AGPAT1: variants seen among roughly 807,000 people sequenced by gnomAD.
AGPAT1 encodes the protein 1-acylglycerol-3-phosphate O-acyltransferase 1.
AGPAT1 carries 6 observed loss-of-function variants against 31.2 expected under a neutral mutation model. The ratio of observed to expected loss-of-function variants is 0.19; its 90% confidence interval spans 0.11 to 0.38. AGPAT1 has a LOEUF of 0.38. Ranked by LOEUF, AGPAT1 falls within the 10% of genes least tolerant of loss-of-function variation. AGPAT1 has a pLI of 1.00. For synonymous variants in AGPAT1, 139 were observed against 154.0 expected, an observed-to-expected ratio of 0.90 and a Z score of 0.72; for missense variants, 187 against 377.8, an observed-to-expected ratio of 0.49 and a Z score of 4.19.
chr6:32,171,233 C>T lies in AGPAT1; in HGVS notation c.200+64G>A. The stretch of plus-strand genomic sequence containing the variant: ...TTCTACACACACCATGCCCCCTTCC[C>T]CCAATCCACTACTCACTTTGTACCC... On this transcript the variant is annotated intron_variant, in intron 2 of 6. Coordinates refer to ENST00000375107, the MANE Select transcript of AGPAT1 (RefSeq NM_006411.4). This position sits in a 1 kb window ranked among gnomAD's most constrained non-coding sequence, Gnocchi z 6.9. The T allele has an allele frequency of 6.2e-7, 1 of 1,611,626 alleles. No individual in the cohort carries two copies. Among genetic ancestry groups the T allele is most frequent in the Non-Finnish European group, 8.5e-7 (1 of 1,178,976 alleles).
chr6:32,171,587 G>T lies in AGPAT1; in HGVS notation c.-9-82C>A. Reference sequence around the variant, plus strand: ...GCAAGGCACAGAAGGCAGGGCTGGGGGCTGGTGCTATGAGGACAAGGGCCT... The same window carrying T: ...GCAAGGCACAGAAGGCAGGGCTGGGTGCTGGTGCTATGAGGACAAGGGCCT... On this transcript the variant is annotated intron_variant, in intron 1 of 6. Transcript: ENST00000375107. This position sits in a 1 kb window ranked among gnomAD's most constrained non-coding sequence, Gnocchi z 6.9. 6.6e-7 allele frequency: 1 copy of T among 1,514,540 alleles called. No homozygotes were observed. The highest frequency in any genetic ancestry group is 8.8e-7 in the Non-Finnish European group (1 of 1,132,374). The allele number at this position is 1,514,540 out of a possible 1,614,324, so 93.8% of individuals were successfully genotyped here.
chr6:32,173,691 C>T lies in AGPAT1; in HGVS notation c.-10+2123G>A, dbSNP rs1561851461. On this transcript the variant is annotated intron_variant, in intron 1 of 6. Transcript: ENST00000375107. The surrounding 1 kb of genome is among the most constrained non-coding windows in gnomAD (Gnocchi z 4.7). ...GCTTCCCCACCTTGAACATGCTGTT[C>T]CCTTTGGCTGGAATGCCTGTCTCTT... Among the ~76,000 whole-genome samples, 1 of 152,350 alleles carries T rather than the reference C, an allele frequency of 6.6e-6. No homozygotes were observed. The highest frequency in any genetic ancestry group is 2.1e-4 in the South Asian group (1 of 4,824).
upstream of AGPAT1, chr6:32,176,215 T>A: frequency 1.1e-6 from 1 of 920,184 alleles, no homozygotes; most frequent in Non-Finnish European, 1.3e-6. Flanking sequence ...CATCTACCAG[T>A]GTCCTCTTGC....
At chr6:32,178,053 C>G (rs1346147538), upstream of AGPAT1, 1 of 152,782 alleles carries the variant, frequency 6.5e-6, no homozygotes, top group Non-Finnish European at 1.5e-5. Context: ...TGGAGCCATA[C>G]GCTCCAAAGT....
Position 32,175,945 on chromosome 6 carries a change from C to A in AGPAT1, c.-141G>T. 1 of 985,672 alleles carries A rather than the reference C, an allele frequency of 1.0e-6. No homozygotes were observed. The highest frequency in any genetic ancestry group is 1.2e-6 in the Non-Finnish European group (1 of 830,174). 61.1% of individuals were successfully genotyped at this position (985,672 alleles called of 1,614,324 possible). On this transcript the variant is annotated 5_prime_UTR_variant, in exon 1 of 7. Transcript: ENST00000375107. This position sits in a 1 kb window ranked among gnomAD's most constrained non-coding sequence, Gnocchi z 4.5. ...AGGGGGCGACGGGATTTGGGGGTGT[C>A]CTAGCCCCGGCCGATGGAGGGGAGG...
Position 32,169,918 on chromosome 6 carries a change from C to T in AGPAT1, c.679+48G>A. 6.5e-7 allele frequency: 1 copy of T among 1,536,810 alleles called. No homozygotes were observed. The highest frequency in any genetic ancestry group is 9.0e-7 in the Non-Finnish European group (1 of 1,113,230). On this transcript the variant is annotated intron_variant, in intron 6 of 6. Transcript: ENST00000375107. The surrounding 1 kb of genome is among the most constrained non-coding windows in gnomAD (Gnocchi z 5.9). ...CCCCCTGCCTCACAGGGATGTCCTCCCAGCCTCTCCGGACACACCCTACCC... is the reference window on the plus strand; with the variant it reads ...CCCCCTGCCTCACAGGGATGTCCTCTCAGCCTCTCCGGACACACCCTACCC...
In AGPAT1 at chr6:32,169,113, C is replaced by T. The variant is rs1388353779; in HGVS notation, c.*163G>A. Reference sequence around the variant, plus strand: ...TGGGGCCAAGAGGGGGCAGGAGTGGCGCTGTATCCACATTCACTTCAGAAG... The same window carrying T: ...TGGGGCCAAGAGGGGGCAGGAGTGGTGCTGTATCCACATTCACTTCAGAAG... On this transcript the variant is annotated 3_prime_UTR_variant, in exon 7 of 7. Coordinates refer to ENST00000375107, the MANE Select transcript of AGPAT1 (RefSeq NM_006411.4). The surrounding 1 kb of genome is among the most constrained non-coding windows in gnomAD (Gnocchi z 5.9). 3.3e-5 allele frequency: 25 copies of T among 759,408 alleles called. No homozygotes were observed. In the Admixed American group the frequency reaches 4.5e-4, roughly 14 times the overall value. The allele number at this position is 759,408 out of a possible 1,614,324, so 47.0% of individuals were successfully genotyped here.
At position 32,168,590 on chromosome 6, in the gene AGPAT1, G is replaced by GA. The variant is rs1561841065; in HGVS notation, c.*685dup. 6.5e-6 allele frequency: 1 copy of GA among 154,574 alleles called. No homozygotes were observed. Among genetic ancestry groups the GA allele is most frequent in the African/African-American group, 2.4e-5 (1 of 41,452 alleles). The allele number at this position is 154,574 out of a possible 1,614,324, so 9.6% of individuals were successfully genotyped here. ...GCTGGGTGGGGTCATGTCCACTGAA[G>GA]AACTGTACTATGGGGACAGAAAACC... On this transcript the variant is annotated 3_prime_UTR_variant, in exon 7 of 7. Transcript: ENST00000375107. This position sits in a 1 kb window ranked among gnomAD's most constrained non-coding sequence, Gnocchi z 4.5.
chr6:32,170,972 A>G lies in AGPAT1; in HGVS notation c.299T>C (p.Val100Ala). 6.2e-7 allele frequency: 1 copy of G among 1,612,630 alleles called. No individual in the cohort carries two copies. Residue 100 changes from valine to alanine, a missense_variant, in exon 3 of 7, where the codon GTT (valine) becomes GCT (alanine). Transcript: ENST00000375107. The surrounding 1 kb of genome is among the most constrained non-coding windows in gnomAD (Gnocchi z 7.7). ...GAGAGAGCTCTGGTGGTTGGAGACA[A>G]CAACATAGGGCTGCGAGGGAGGGAA... Reference protein sequence around the residue: ...HHFPPSQPYVVVSNHQSSLDL... With the variant: ...HHFPPSQPYVAVSNHQSSLDL...
rs1402253665 is a variant in AGPAT1, at chr6:32,169,807, G to A, written c.679+159C>T. 1.4e-6 allele frequency: 1 copy of A among 696,222 alleles called. No individual in the cohort carries two copies. The highest frequency in any genetic ancestry group is 2.5e-6 in the Non-Finnish European group (1 of 404,374). 43.1% of individuals were successfully genotyped at this position (696,222 alleles called of 1,614,324 possible). On this transcript the variant is annotated intron_variant, in intron 6 of 6. Transcript: ENST00000375107. This position sits in a 1 kb window ranked among gnomAD's most constrained non-coding sequence, Gnocchi z 5.9. ...AGTGCTACCCATCTGGCAGGGTATG[G>A]TGGGTGCTTAGTAAAGACTTATTGG...
At chr6:32,176,770 T>G, upstream of AGPAT1, 1 of 365,000 alleles carries the variant, frequency 2.7e-6, no homozygotes, top group Non-Finnish European at 4.9e-6. Context: ...ATCAGTCTCC[T>G]TACTTGCCCA....
chr6:32,170,697 G>A lies in AGPAT1; in HGVS notation c.335-97C>T. On this transcript the variant is annotated intron_variant, in intron 3 of 6. Transcript: ENST00000375107. This position sits in a 1 kb window ranked among gnomAD's most constrained non-coding sequence, Gnocchi z 7.7. ...AGCTCATCACCCTCTGGTAGGGACT[G>A]GAGGTGAAGGAGGAGACTAGGCAGG... 4 of 1,458,960 alleles carry A rather than the reference G, an allele frequency of 2.7e-6. No individual in the cohort carries two copies. Among genetic ancestry groups the A allele is most frequent in the Non-Finnish European group, 3.8e-6 (4 of 1,058,410 alleles). 90.4% of individuals were successfully genotyped at this position (1,458,960 alleles called of 1,614,324 possible).
rs147503745 is a variant in AGPAT1 at position 32,168,275 on chromosome 6, C to G, written c.*1001G>C. 1.3e-3 allele frequency: 486 copies of G among 364,684 alleles called. 2 individuals carry two copies. Among genetic ancestry groups the G allele is most frequent in the South Asian group, 6.4e-3 (118 of 18,324 alleles). 22.6% of individuals were successfully genotyped at this position (364,684 alleles called of 1,614,324 possible). On this transcript the variant is annotated 3_prime_UTR_variant, in exon 7 of 7. Transcript: ENST00000375107. The surrounding 1 kb of genome is among the most constrained non-coding windows in gnomAD (Gnocchi z 4.5). ...CCAGATAATTAATAAAAACCAACCA[C>G]GCAAAACTGGGTCCCACCCTCTCCT... is the stretch of plus-strand genomic sequence containing the variant.
At position 32,170,148 on chromosome 6, in the gene AGPAT1, C is replaced by T. The variant is rs761916980; in HGVS notation, c.606+17G>A. ...GGGGGTTGGCAGCTGAGTAGCAGAACGAAGAGCAGTAGTCACCTGGGCCTG... is the reference window on the plus strand; with the variant it reads ...GGGGGTTGGCAGCTGAGTAGCAGAATGAAGAGCAGTAGTCACCTGGGCCTG... On this transcript the variant is annotated intron_variant, in intron 5 of 6. Coordinates refer to ENST00000375107, the MANE Select transcript of AGPAT1 (RefSeq NM_006411.4). The surrounding 1 kb of genome is among the most constrained non-coding windows in gnomAD (Gnocchi z 7.7). 3 of 1,613,706 alleles carry T rather than the reference C, an allele frequency of 1.9e-6. No individual in the cohort carries two copies. Among genetic ancestry groups the T allele is most frequent in the African/African-American group, 1.3e-5 (1 of 74,974 alleles).
chr6:32,174,056 C>T lies in AGPAT1; in HGVS notation c.-10+1758G>A, dbSNP rs62402752. ...AGCCCTCTGGTGAGTCTGATGTGCG[C>T]CTGAATTTAAGAACCACTGATCTTG... On this transcript the variant is annotated intron_variant, in intron 1 of 6. Transcript: ENST00000375107. This position sits in a 1 kb window ranked among gnomAD's most constrained non-coding sequence, Gnocchi z 4.5. Among the ~76,000 whole-genome samples, 1 of 152,126 alleles carries T rather than the reference C, an allele frequency of 6.6e-6. No homozygotes were observed. Among genetic ancestry groups the T allele is most frequent in the Non-Finnish European group, 1.5e-5 (1 of 68,026 alleles).
In AGPAT1 at chr6:32,174,728, C is replaced by T. The variant is rs1348517678; in HGVS notation, c.-10+1086G>A. On this transcript the variant is annotated intron_variant, in intron 1 of 6. Coordinates refer to ENST00000375107, the MANE Select transcript of AGPAT1 (RefSeq NM_006411.4). The surrounding 1 kb of genome is among the most constrained non-coding windows in gnomAD (Gnocchi z 4.5). ...GCAGACCTGGAGACCCAGTTACCTT[C>T]TTCTCTTAACACTTGATATTAAGTG... 6.6e-6 allele frequency among the ~76,000 whole-genome samples: 1 copy of T among 152,192 alleles called. No individual in the cohort carries two copies. The highest frequency in any genetic ancestry group is 1.5e-5 in the Non-Finnish European group (1 of 68,044).
rs1197792769 is a variant in AGPAT1 at position 32,175,634 on chromosome 6, T to A, written c.-10+180A>T. Among the ~76,000 whole-genome samples the A allele has an allele frequency of 6.6e-6, 1 of 151,578 alleles. No individual in the cohort carries two copies. The highest frequency in any genetic ancestry group is 1.5e-5 in the Non-Finnish European group (1 of 67,858). On this transcript the variant is annotated intron_variant, in intron 1 of 6. Transcript: ENST00000375107. This position sits in a 1 kb window ranked among gnomAD's most constrained non-coding sequence, Gnocchi z 4.5. Reference sequence around the variant, plus strand: ...CTCCCTCCCAGGTCTCTTCCATCCTTCCTCCCTCTCAGGTCCCCTCTCCTA... The same window carrying A: ...CTCCCTCCCAGGTCTCTTCCATCCTACCTCCCTCTCAGGTCCCCTCTCCTA...
rs1784797484 is a variant in AGPAT1, at chr6:32,168,930, G to C, written c.*346C>G. The C allele has an allele frequency of 2.9e-6, 1 of 344,524 alleles. No homozygotes were observed. The highest frequency in any genetic ancestry group is 2.0e-5 in the African/African-American group (1 of 49,078). The allele number at this position is 344,524 out of a possible 1,614,324, so 21.3% of individuals were successfully genotyped here. On this transcript the variant is annotated 3_prime_UTR_variant, in exon 7 of 7. Coordinates refer to ENST00000375107, the MANE Select transcript of AGPAT1 (RefSeq NM_006411.4). This position sits in a 1 kb window ranked among gnomAD's most constrained non-coding sequence, Gnocchi z 4.5. Reference sequence around the variant, plus strand: ...GGCCAATGTGGGGTAGAGGGGTAGAGAAGACCACATAGGAAGAGACTCCAC... The same window carrying C: ...GGCCAATGTGGGGTAGAGGGGTAGACAAGACCACATAGGAAGAGACTCCAC...
At chr6:32,176,460 C>T, upstream of AGPAT1, 13 of 982,478 alleles carry the variant, frequency 1.3e-5, no homozygotes, top group Non-Finnish European at 1.6e-5. Context: ...CTTAAGGACC[C>T]CTTTTCCCGT....
Sources: gnomAD v4.1 joint callset for allele counts (sites outside exome capture counted in the v4.1 genomes callset) on GRCh38, gnomAD v4.1.1 for gene constraint, Gnocchi (gnomAD v3.1) non-coding constraint, MANE v1.5 for transcripts, NCBI Gene and HGNC (gene_info 2026-07-23, HGNC 2026-07-21) for gene names.